Variants in COL25A1 observed in about 807,000 individuals in gnomAD.
COL25A1 encodes the protein collagen type XXV alpha 1 chain.
Under a neutral mutation model 128.4 loss-of-function variants are expected in COL25A1, and 103 were observed. The observed-to-expected ratio is 0.80, with a 90% CI of 0.68 to 0.94. The LOEUF (loss-of-function observed/expected upper bound fraction) is 0.94, where lower values mean the gene tolerates loss of function less well. COL25A1 is among the 40% of genes least tolerant of loss of function. The probability of loss-of-function intolerance (pLI) is 0.00; values close to 1 mark genes in which losing one functional copy is unlikely to be tolerated. For synonymous variants in COL25A1, 279 were observed against 277.2 expected (o/e 1.01, Z -0.06); for missense variants, 745 against 840.0 (o/e 0.89, Z 1.40).
At chr4:109,161,552 A>G (rs1319838315) in intron 3 of COL25A1, among the ~76,000 whole-genome samples, 7 of 152,176 alleles carry the variant, frequency 4.6e-5, no homozygotes, top group African/African-American at 1.7e-4. Context: ...AATTGTTAGG[A>G]AAGAGATAAG....
intron 5 of COL25A1, among the ~76,000 whole-genome samples, chr4:109,028,594 C>T (rs1685658474): frequency 6.6e-6 from 1 of 152,044 alleles, no homozygotes; most frequent in East Asian, 1.9e-4. Context: ...GGCATGGTGG[C>T]ATGCACCTGC....
At chr4:109,264,053 A>T (rs1218988011) in intron 3 of COL25A1, among the ~76,000 whole-genome samples, 1 of 152,250 alleles carries the variant, frequency 6.6e-6, no homozygotes. Flanking sequence ...AATTATTTTT[A>T]AAAACAAACA....
intron 3 of COL25A1, among the ~76,000 whole-genome samples, chr4:109,057,928 T>C (rs1008730670): frequency 6.6e-6 from 1 of 152,312 alleles, no homozygotes; most frequent in Non-Finnish European, 1.5e-5. Flanking sequence ...CACAAGGACA[T>C]ACTGGAAAAT....
intron 3 of COL25A1, among the ~76,000 whole-genome samples, chr4:109,218,070 T>C (rs550809457): frequency 6.6e-6 from 1 of 152,336 alleles, no homozygotes; most frequent in African/African-American, 2.4e-5. Flanking sequence ...TATATTCATG[T>C]CTTTTTAATG....
chr4:109,197,455 TATAAA>T (rs1776180550), intron 3 of COL25A1, among the ~76,000 whole-genome samples: 1 of 117,468 alleles, frequency 8.5e-6, no homozygotes, highest in African/African-American at 3.2e-5. Flanking sequence ...ATATATTATA[TATAAA>T]TATTATATAT....
At chr4:109,133,912 C>T (rs763336911) in intron 3 of COL25A1, among the ~76,000 whole-genome samples, 20 of 152,228 alleles carry the variant, frequency 1.3e-4, no homozygotes, top group African/African-American at 2.9e-4. Context: ...TGAAATATGG[C>T]AAGTATACTG....
chr4:109,187,204 C>T (rs988544437), intron 3 of COL25A1, among the ~76,000 whole-genome samples: 23 of 130,368 alleles, frequency 1.8e-4, no homozygotes, highest in Non-Finnish European at 3.5e-4. Context: ...GCTCTCTACA[C>T]ACACACACAC....
chr4:108,834,468 G>T, intron 31 of COL25A1: 1 of 1,267,618 alleles, frequency 7.9e-7, no homozygotes, highest in Non-Finnish European at 1.1e-6. Flanking sequence ...AGGTACCGAT[G>T]AACAAATGTA....
At chr4:109,159,305 G>A (rs548612057) in intron 3 of COL25A1, among the ~76,000 whole-genome samples, 2 of 152,026 alleles carry the variant, frequency 1.3e-5, no homozygotes, top group African/African-American at 4.8e-5. Context: ...ACTTAAGTGG[G>A]TAACTGGGTT....
intron 4 of COL25A1, among the ~76,000 whole-genome samples, chr4:109,049,266 G>C (rs755633856): frequency 3.0e-4 from 46 of 152,100 alleles, no homozygotes; most frequent in Non-Finnish European, 4.9e-4. Context: ...CAGCATGCTA[G>C]AGTCAAACCT....
At chr4:109,169,444 T>C (rs901641041) in intron 3 of COL25A1, among the ~76,000 whole-genome samples, 1 of 152,208 alleles carries the variant, frequency 6.6e-6, no homozygotes, top group Non-Finnish European at 1.5e-5. Context: ...GTAGCTTACA[T>C]AATCTTTGAT....
chr4:109,290,578 G>C (rs1344964203), intron 3 of COL25A1, among the ~76,000 whole-genome samples: 10 of 152,074 alleles, frequency 6.6e-5, no homozygotes, highest in Admixed American at 3.9e-4. Flanking sequence ...GAAATTGTCA[G>C]TATGTCTATA....
intron 31 of COL25A1, among the ~76,000 whole-genome samples, chr4:108,837,713 C>T (rs988021799): frequency 1.3e-5 from 2 of 151,968 alleles, no homozygotes; most frequent in Admixed American, 6.6e-5. Flanking sequence ...TTTTTGGTAT[C>T]CAAGGAGAAA....
chr4:108,934,338 G>C (rs1553972316), intron 11 of COL25A1, among the ~76,000 whole-genome samples: 6 of 130,142 alleles, frequency 4.6e-5, no homozygotes, highest in Non-Finnish European at 9.9e-5. Context: ...CTGTTGGGGG[G>C]ATGGGGGGCT....
intron 5 of COL25A1, among the ~76,000 whole-genome samples, chr4:109,018,598 G>C (rs2126059979): frequency 6.6e-6 from 1 of 152,304 alleles, no homozygotes; most frequent in African/African-American, 2.4e-5. Context: ...TAGTGGAACA[G>C]ATGTATTCTA....
At position 109,001,241 on chromosome 4, in the gene COL25A1, C is replaced by T. The variant is rs183724441; in HGVS notation, c.438+9117G>A. On this transcript the variant is annotated intron_variant, in intron 6 of 37. Coordinates refer to ENST00000399132, the MANE Select transcript of COL25A1 (RefSeq NM_198721.4). ...TAGTACACTCAATCCTAAATGCCTG[C>T]ACTACAGATACAGAAAAAAAGCTAA... 2.1e-3 allele frequency among the ~76,000 whole-genome samples: 324 copies of T among 152,302 alleles called. 1 individual carries two copies. The highest frequency in any genetic ancestry group is 7.2e-3 in the African/African-American group (300 of 41,572).
At chr4:109,229,160 A>T (rs1478210492) in intron 3 of COL25A1, among the ~76,000 whole-genome samples, 1 of 149,344 alleles carries the variant, frequency 6.7e-6, no homozygotes, top group Non-Finnish European at 1.5e-5. Flanking sequence ...CCCTAAAAAA[A>T]TTGGATTTCT....
At chr4:109,128,839 T>C (rs1768887494) in intron 3 of COL25A1, among the ~76,000 whole-genome samples, 1 of 152,228 alleles carries the variant, frequency 6.6e-6, no homozygotes, top group Non-Finnish European at 1.5e-5. Flanking sequence ...TAAGGTTCCT[T>C]CTGGCTTGTC....
Position 108,844,594 on chromosome 4 carries a change from T to C in COL25A1, c.1579-25A>G, listed in dbSNP as rs11943520. 2.0e-3 allele frequency: 3,254 copies of C among 1,605,644 alleles called. 77 individuals carry two copies. The African/African-American group carries it at 0.04, about 20-fold the overall frequency. On this transcript the variant is annotated intron_variant, in intron 29 of 37. Transcript: ENST00000399132. Reference sequence around the variant, plus strand: ...TCTGTATGTCCAAAAAATAAAAATGTATTTGGTTACTTCATTTAGATAAGG... The same window carrying C: ...TCTGTATGTCCAAAAAATAAAAATGCATTTGGTTACTTCATTTAGATAAGG...
Sources: allele counts gnomAD v4.1 joint callset (sites outside exome capture counted in the v4.1 genomes callset), GRCh38; gene constraint gnomAD v4.1.1; transcripts MANE v1.5; gene names NCBI Gene and HGNC (gene_info 2026-07-23, HGNC 2026-07-21).